MTUS2: variants seen among roughly 807,000 people sequenced by gnomAD.
MTUS2 encodes the protein microtubule associated scaffold protein 2.
In MTUS2, 40 loss-of-function variants were observed where a neutral mutation model predicts 114.1. The ratio of observed to expected loss-of-function variants is 0.35; its 90% CI spans 0.27 to 0.46. The LOEUF (loss-of-function observed/expected upper bound fraction) is 0.46, where lower values mean the gene tolerates loss of function less well. Among genes scored for constraint, MTUS2 ranks in the 20% least tolerant of loss-of-function variants. The pLI is 1.00. For missense variants in MTUS2, 1,679 were observed against 1,705.4 expected, an observed-to-expected ratio of 0.98 and a Z score of 0.27; for synonymous variants, 688 against 672.0, an observed-to-expected ratio of 1.02 and a Z score of -0.37.
At position 29,147,049 on chromosome 13, in the gene MTUS2, A is replaced by G. The variant is rs563895540; in HGVS notation, c.2644+46079A>G. The stretch of plus-strand genomic sequence containing the variant: ...ATTCTTGTGAACTTTAGGTGGCTGT[A>G]ATACCCATTGTATGTAAAAGAAGTT... On this transcript the variant is annotated intron_variant, in intron 5 of 15. Transcript: ENST00000612955. Among the ~76,000 whole-genome samples the G allele has an allele frequency of 2.6e-5, 4 of 152,348 alleles. No individual in the cohort carries two copies. The South Asian group carries it at 8.3e-4, about 32-fold the overall frequency.
At chr13:29,118,272 A>AT in intron 5 of MTUS2, among the ~76,000 whole-genome samples, 1 of 151,972 alleles carries the variant, frequency 6.6e-6, no homozygotes, top group Non-Finnish European at 1.5e-5. Flanking sequence ...AGGTGACCAC[A>AT]TAACATTCCA....
chr13:29,050,482 C>G (rs1273831027), intron 4 of MTUS2, among the ~76,000 whole-genome samples: 1 of 152,134 alleles, frequency 6.6e-6, no homozygotes, highest in Non-Finnish European at 1.5e-5. Flanking sequence ...TATCTCCTAT[C>G]CTGTATATTT....
intron 2 of MTUS2, among the ~76,000 whole-genome samples, chr13:28,902,204 T>C (rs1040307740): frequency 1.3e-5 from 2 of 152,214 alleles, no homozygotes; most frequent in Non-Finnish European, 2.9e-5. Context: ...GCTGAACTTA[T>C]TATTTCCAGG....
intron 8 of MTUS2, among the ~76,000 whole-genome samples, chr13:29,374,382 A>G (rs892007640): frequency 6.6e-6 from 1 of 152,234 alleles, no homozygotes; most frequent in Non-Finnish European, 1.5e-5. Context: ...AAGGAAATTC[A>G]TATCTAGATA....
At chr13:28,929,459 A>C (rs926328675) in intron 2 of MTUS2, among the ~76,000 whole-genome samples, 1 of 152,244 alleles carries the variant, frequency 6.6e-6, no homozygotes, top group African/African-American at 2.4e-5. Context: ...GTATCAATAA[A>C]AAACATAAAA....
intron 2 of MTUS2, among the ~76,000 whole-genome samples, chr13:28,902,039 T>A (rs183892306): frequency 1.3e-5 from 2 of 152,288 alleles, no homozygotes; most frequent in Non-Finnish European, 2.9e-5. Flanking sequence ...CAGCTTGAAG[T>A]TTCCGTATGT....
intron 2 of MTUS2, among the ~76,000 whole-genome samples, chr13:28,927,620 A>G (rs950301945): frequency 1.3e-5 from 2 of 152,216 alleles, no homozygotes; most frequent in African/African-American, 2.4e-5. Context: ...ACAATGGAAG[A>G]GATAGACAGC....
At chr13:29,246,744 A>C (rs1052713731) in intron 5 of MTUS2, among the ~76,000 whole-genome samples, 2 of 152,236 alleles carry the variant, frequency 1.3e-5, no homozygotes, top group African/African-American at 2.4e-5. Flanking sequence ...ATGCTGTCAA[A>C]AGAAATAACG....
At chr13:29,367,966 T>C (rs1196241953) in intron 8 of MTUS2, among the ~76,000 whole-genome samples, 1 of 138,476 alleles carries the variant, frequency 7.2e-6, no homozygotes, top group East Asian at 2.2e-4. Flanking sequence ...TGAGATGGAG[T>C]CTCACTCTTT....
At chr13:29,211,361 A>C (rs1399667541) in intron 5 of MTUS2, among the ~76,000 whole-genome samples, 26 of 152,288 alleles carry the variant, frequency 1.7e-4, no homozygotes, top group Non-Finnish European at 3.5e-4. Flanking sequence ...CCCAGGCTAC[A>C]AGCCTCCCTG....
chr13:29,021,001 T>G (rs1032992393), intron 2 of MTUS2, among the ~76,000 whole-genome samples: 4 of 152,250 alleles, frequency 2.6e-5, no homozygotes, highest in African/African-American at 4.8e-5. Context: ...GTGCTGTGAC[T>G]CATGCCTGTA....
At position 29,088,453 on chromosome 13, in the gene MTUS2, C is replaced by A. The variant is rs192224168; in HGVS notation, c.2447-12320C>A. Among the ~76,000 whole-genome samples the A allele has an allele frequency of 7.9e-5, 12 of 152,124 alleles. 1 individual carries two copies. The highest frequency in any genetic ancestry group is 1.8e-4 in the Non-Finnish European group (12 of 68,016). On this transcript the variant is annotated intron_variant, in intron 4 of 15. Transcript: ENST00000612955. The stretch of plus-strand genomic sequence containing the variant: ...CAGATGAGAATAAGGTACATTCTTA[C>A]ATTGTTGTGTGGAGTGCTCTGTAGA...
At chr13:29,096,244 A>G (rs536536942) in intron 4 of MTUS2, among the ~76,000 whole-genome samples, 1 of 152,306 alleles carries the variant, frequency 6.6e-6, no homozygotes, top group South Asian at 2.1e-4. Flanking sequence ...GCATGTACAC[A>G]ATCACACTAA....
At chr13:29,280,080 A>G (rs1256516894) in intron 5 of MTUS2, among the ~76,000 whole-genome samples, 1 of 152,218 alleles carries the variant, frequency 6.6e-6, no homozygotes, top group Non-Finnish European at 1.5e-5. Flanking sequence ...AATATCATTC[A>G]ATTCCTGAGA....
chr13:28,903,767 G>A (rs897549836), intron 2 of MTUS2, among the ~76,000 whole-genome samples: 2 of 151,906 alleles, frequency 1.3e-5, no homozygotes, highest in East Asian at 3.9e-4. Context: ...AATCCTTTGG[G>A]TATATACCCA....
chr13:29,112,925 G>C (rs142795494), intron 5 of MTUS2, among the ~76,000 whole-genome samples: 1 of 152,160 alleles, frequency 6.6e-6, no homozygotes, highest in East Asian at 1.9e-4. Flanking sequence ...ATTACATAAA[G>C]AGGCAGGTAA....
chr13:29,400,948 G>C (rs1265534588), intron 8 of MTUS2, among the ~76,000 whole-genome samples: 1 of 152,126 alleles, frequency 6.6e-6, no homozygotes, highest in Non-Finnish European at 1.5e-5. Context: ...GTATTAGAGA[G>C]CCTAGCGTTG....
At chr13:28,862,289 A>G (rs1443461371) in intron 2 of MTUS2, among the ~76,000 whole-genome samples, 3 of 152,210 alleles carry the variant, frequency 2.0e-5, no homozygotes, top group Non-Finnish European at 4.4e-5. Context: ...CAGGAACGCA[A>G]TCAAACATTA....
At chr13:29,084,284 G>A (rs906685349) in intron 4 of MTUS2, among the ~76,000 whole-genome samples, 23 of 151,554 alleles carry the variant, frequency 1.5e-4, no homozygotes, top group Non-Finnish European at 3.1e-4. Context: ...TCCAACTGTG[G>A]GCCTCTGTTT....
Sources: gnomAD v4.1 joint callset for allele counts (sites outside exome capture counted in the v4.1 genomes callset) on GRCh38, gnomAD v4.1.1 for gene constraint, MANE v1.5 for transcripts, NCBI Gene and HGNC (gene_info 2026-07-23, HGNC 2026-07-21) for gene names.